Variants in SETD2 observed in about 807,000 individuals in gnomAD.
SETD2 encodes SET domain containing 2, histone lysine methyltransferase, also known as histone-lysine N-methyltransferase SETD2.
A neutral mutation model predicts 242.1 loss-of-function variants in SETD2; 31 were observed. The observed-to-expected ratio is 0.13, with a 90% CI of 0.10 to 0.17. The LOEUF is 0.17. SETD2 is among the 10% of genes least tolerant of loss of function. The pLI, the probability that SETD2 is intolerant of heterozygous loss-of-function variation, is 1.00. For missense variants in SETD2, 2,481 were observed against 3,046.3 expected (o/e 0.81, Z 4.37); for synonymous variants, 1,006 against 1,066.5 (o/e 0.94, Z 1.11).
intron 9 of SETD2, among the ~76,000 whole-genome samples, chr3:47,095,820 T>A (rs2041985295): frequency 6.8e-6 from 1 of 147,694 alleles, no homozygotes; most frequent in Admixed American, 6.7e-5. Flanking sequence ...AAGAAAAAAA[T>A]TACAGCAATT....
intron 9 of SETD2, among the ~76,000 whole-genome samples, chr3:47,089,258 C>A (rs1306827620): frequency 6.6e-6 from 1 of 152,088 alleles, no homozygotes; most frequent in Non-Finnish European, 1.5e-5. Context: ...CCAGCCTGGG[C>A]AACACAGCCA....
Position 47,122,289 on chromosome 3 carries a change from C to T in SETD2, c.2347G>A (p.Val783Ile), listed in dbSNP as rs1272088356. ...GAATCTTTGGTTTTGCAGCAAGAAA[C>T]CCTCGTATCAACTGGTTCTTTAACT... is the stretch of plus-strand genomic sequence containing the variant. ...TVVKEPVDTR[V>I]SCCKTKDSDI... Residue 783 changes from valine to isoleucine, a missense_variant, in exon 3 of 21, where the codon GTT (valine) becomes ATT (isoleucine). Physicochemically the swap from Val to Ile is conservative, Grantham distance 29. Coordinates refer to ENST00000409792, the MANE Select transcript of SETD2 (RefSeq NM_014159.7). 2 of 1,613,984 alleles carry T rather than the reference C, an allele frequency of 1.2e-6. No individual in the cohort carries two copies. The highest frequency in any genetic ancestry group is 1.7e-6 in the Non-Finnish European group (2 of 1,180,002).
At position 47,122,522 on chromosome 3, in the gene SETD2, G is replaced by C. The variant is rs552010664; in HGVS notation, c.2114C>G (p.Ser705Trp). 6.2e-7 allele frequency: 1 copy of C among 1,614,028 alleles called. No individual in the cohort carries two copies. The highest frequency in any genetic ancestry group is 8.5e-7 in the Non-Finnish European group (1 of 1,179,936). ...TGCTTTGACCAAAGGGGATAATTCC[G>C]ATCCAGTCACACTATCATCAGAAGT... ...LMTSDDSVTGSELSPLVKACM... is the reference protein window; with the variant it reads ...LMTSDDSVTGWELSPLVKACM... The change falls in exon 3 of 21, where the codon TCG (serine) becomes TGG (tryptophan). Residue 705 changes from serine (S) to tryptophan (W), a missense_variant. Transcript: ENST00000409792.
rs2106684452 is a variant in SETD2, at chr3:47,122,669, G to A, written c.1967C>T (p.Ser656Phe). 1 of 1,613,366 alleles carries A rather than the reference G, an allele frequency of 6.2e-7. No individual in the cohort carries two copies. The highest frequency in any genetic ancestry group is 1.1e-5 in the South Asian group (1 of 91,062). Reference protein sequence around the residue: ...HDSIKELDSLSKVKNDQLRSF... With the variant: ...HDSIKELDSLFKVKNDQLRSF... Reference sequence around the variant, plus strand: ...TCTTAATTGATCATTCTTCACTTTAGATAAAGAGTCTAATTCCTTAATACT... The same window carrying A: ...TCTTAATTGATCATTCTTCACTTTAAATAAAGAGTCTAATTCCTTAATACT... Residue 656 changes from serine to phenylalanine, a missense_variant, in exon 3 of 21, where the codon TCT becomes TTT. Ser to Phe is a radical substitution (Grantham distance 155). This residue lies in a region of SETD2 where 1,300 missense variants were observed against 1,259.2 expected (regional missense o/e 1.03). Transcript: ENST00000409792.
intron 1 of SETD2, among the ~76,000 whole-genome samples, chr3:47,161,948 A>G (rs1344373635): frequency 6.6e-6 from 1 of 152,076 alleles, no homozygotes; most frequent in African/African-American, 2.4e-5. Flanking sequence ...CGAGAATTTA[A>G]AAATATATAA....
Position 47,046,487 on chromosome 3 carries a change from T to A in SETD2, c.7098A>T (p.Pro2366=). The change falls in exon 16 of 21, where the codon CCA becomes CCT. Residue 2366 remains proline (P), a splice_region_variant and synonymous_variant. Coordinates refer to ENST00000409792, the MANE Select transcript of SETD2 (RefSeq NM_014159.7). ...VAPGQPQPLQ[P]SEMVVTNNLL... is the part of the protein sequence containing the mutation. Reference sequence around the variant, plus strand: ...TTTTAACAACTGAAACATTTCTTACTGGCTGCAAGGGCTGAGGCTGCCCTG... The same window carrying A: ...TTTTAACAACTGAAACATTTCTTACAGGCTGCAAGGGCTGAGGCTGCCCTG... 1.9e-6 allele frequency: 3 copies of A among 1,591,490 alleles called. No homozygotes were observed. The highest frequency in any genetic ancestry group is 2.6e-6 in the Non-Finnish European group (3 of 1,168,240).
intron 14 of SETD2, among the ~76,000 whole-genome samples, chr3:47,061,229 T>C (rs1205376177): frequency 1.3e-5 from 2 of 151,886 alleles, no homozygotes; most frequent in Admixed American, 6.6e-5. Context: ...AAAAAAAAGA[T>C]ACTTCACAGA....
chr3:47,147,106 G>A (rs2043873198), intron 1 of SETD2, among the ~76,000 whole-genome samples: 1 of 152,054 alleles, frequency 6.6e-6, no homozygotes, highest in African/African-American at 2.4e-5. Context: ...TGCCTCCCAG[G>A]TTCAAGCAAT....
At chr3:47,058,456 A>AAC (rs2040177935) in intron 14 of SETD2, among the ~76,000 whole-genome samples, 1 of 148,660 alleles carries the variant, frequency 6.7e-6, no homozygotes, top group African/African-American at 2.5e-5. Flanking sequence ...AAAAAAAAAA[A>AAC]AAAAAAAACA....
In SETD2 at chr3:47,042,656, G is replaced by C. The variant is rs771580579; in HGVS notation, c.7143C>G (p.Pro2381=). The C allele has an allele frequency of 7.4e-5, 119 of 1,611,970 alleles. No homozygotes were observed. Among genetic ancestry groups the C allele is most frequent in the Non-Finnish European group, 9.8e-5 (115 of 1,179,262 alleles). Residue 2381 remains proline, a synonymous_variant, in exon 17 of 21, where the codon CCC becomes CCG. Coordinates refer to ENST00000409792, the MANE Select transcript of SETD2 (RefSeq NM_014159.7). ...VTNNLLDLPP[P]SPPKPKTIVL... is the part of the protein sequence containing the mutation. Reference sequence around the variant, plus strand: ...CAATGGTTTTTGGTTTGGGAGGAGAGGGGGGCGGCAGATCCAAGAGATTAT... The same window carrying C: ...CAATGGTTTTTGGTTTGGGAGGAGACGGGGGCGGCAGATCCAAGAGATTAT...
At chr3:47,132,464 A>C (rs147983369) in intron 1 of SETD2, among the ~76,000 whole-genome samples, 2 of 152,142 alleles carry the variant, frequency 1.3e-5, no homozygotes, top group Non-Finnish European at 2.9e-5. Context: ...TCCAGCCTAG[A>C]AGATAGAGGG....
intron 5 of SETD2, among the ~76,000 whole-genome samples, chr3:47,109,257 A>G (rs1179443528): frequency 6.6e-6 from 1 of 152,254 alleles, no homozygotes; most frequent in African/African-American, 2.4e-5. Flanking sequence ...TAAAGCAAAC[A>G]GAACAAAATG....
At chr3:47,105,410 T>TAA (rs11391574) in intron 6 of SETD2, among the ~76,000 whole-genome samples, 6,751 of 122,492 alleles carry the variant, frequency 0.055, 230 homozygotes, top group Admixed American at 0.064. Context: ...ACACTATCTC[T>TAA]AAAAAAAAAA....
rs1697589421 is a variant in SETD2 at position 47,163,952 on chromosome 3, G to GC, written c.-29dup. On this transcript the variant is annotated 5_prime_UTR_variant, in exon 1 of 21. Coordinates refer to ENST00000409792, the MANE Select transcript of SETD2 (RefSeq NM_014159.7). ...GGAGCGGCTGGAGACGGCGACGCGAGCCCCCTCCCCGCAGCAGGGCGACGC... is the reference window on the plus strand; with the variant it reads ...GGAGCGGCTGGAGACGGCGACGCGAGCCCCCCTCCCCGCAGCAGGGCGACGC... The GC allele has an allele frequency of 8.6e-6, 11 of 1,274,836 alleles. No homozygotes were observed. In the South Asian group the frequency reaches 3.5e-4, roughly 41 times the overall value. 79.0% of individuals were successfully genotyped at this position (1,274,836 alleles called of 1,614,324 possible).
At chr3:47,090,824 AAAGC>A (rs2041774350) in intron 9 of SETD2, among the ~76,000 whole-genome samples, 2 of 152,256 alleles carry the variant, frequency 1.3e-5, no homozygotes, top group African/African-American at 4.8e-5. Context: ...GATTCAGAGA[AAAGC>A]AAGCTAAAAG....
intron 1 of SETD2, among the ~76,000 whole-genome samples, chr3:47,156,652 G>A (rs1043275607): frequency 1.3e-5 from 2 of 152,108 alleles, no homozygotes; most frequent in Non-Finnish European, 2.9e-5. Context: ...GTGCATCTCA[G>A]TAGCCCAAAG....
rs2041554007 is a variant in SETD2 at position 47,086,301 on chromosome 3, T to C, written c.5291A>G (p.Gln1764Arg). The change falls in exon 11 of 21, where the codon CAG becomes CGG. Residue 1764 changes from glutamine to arginine, a missense_variant. By Grantham distance (43) the Gln-to-Arg change is conservative. This residue lies in a region of SETD2 where 62 missense variants were observed against 136.7 expected (regional missense o/e 0.45). Coordinates refer to ENST00000409792, the MANE Select transcript of SETD2 (RefSeq NM_014159.7). ...TTCCAGAAAGGACTTCAGGCAGGAC[T>C]GTGAGTGTGTGTTCTTTCATGGGGG... Reference protein sequence around the residue: ...CLELIQNTHSQSCLKSFLERH... With the variant: ...CLELIQNTHSRSCLKSFLERH... 2 of 1,612,188 alleles carry C rather than the reference T, an allele frequency of 1.2e-6. No individual in the cohort carries two copies. The highest frequency in any genetic ancestry group is 1.7e-6 in the Non-Finnish European group (2 of 1,178,720).
chr3:47,154,926 G>A (rs1358243670), intron 1 of SETD2, among the ~76,000 whole-genome samples: 4 of 151,664 alleles, frequency 2.6e-5, no homozygotes, highest in South Asian at 2.1e-4. Flanking sequence ...CCCAGGAGGC[G>A]GAGCTTGCAG....
At chr3:47,065,176 C>A (rs1222723066) in intron 13 of SETD2, among the ~76,000 whole-genome samples, 1 of 152,142 alleles carries the variant, frequency 6.6e-6, no homozygotes, top group Non-Finnish European at 1.5e-5. Context: ...ACCACTATTG[C>A]CCAGTCCTGC....
Sources: allele counts gnomAD v4.1 joint callset (sites outside exome capture counted in the v4.1 genomes callset), GRCh38; gene constraint gnomAD v4.1.1; regional missense constraint gnomAD v4.1.1; transcripts MANE v1.5; gene names NCBI Gene and HGNC (gene_info 2026-07-23, HGNC 2026-07-21).